The following RAB7A variants were observed in gnomAD, a reference collection of about 807,000 sequenced individuals.
The protein encoded by RAB7A is RAB7A, member RAS oncogene family.
In RAB7A, 2 loss-of-function variants were observed where a neutral mutation model predicts 24.5. The observed-to-expected ratio is 0.08, with a 90% CI of 0.03 to 0.26. The LOEUF is 0.26. Among genes scored for constraint, RAB7A ranks in the 10% least tolerant of loss-of-function variants. RAB7A has a pLI of 1.00. For synonymous variants in RAB7A, 100 were observed against 95.9 expected (o/e 1.04, Z -0.25); for missense variants, 118 against 255.7 (o/e 0.46, Z 3.67).
intron 1 of RAB7A, among the ~76,000 whole-genome samples, chr3:128,768,175 TTAAG>T (rs1435847722): frequency 2.0e-5 from 3 of 152,228 alleles, no homozygotes; most frequent in Non-Finnish European, 4.4e-5. Flanking sequence ...TATATATACT[TTAAG>T]TATACTGTGT....
intron 1 of RAB7A, chr3:128,764,433 C>G (rs963297206): frequency 2.7e-6 from 2 of 744,558 alleles, no homozygotes; most frequent in African/African-American, 3.4e-5. Context: ...CCAGGGAATT[C>G]GCCCCATGGC....
rs571090435 is a variant in RAB7A, at chr3:128,768,272, G to A, written c.-8-27088G>A. On this transcript the variant is annotated intron_variant, in intron 1 of 5. Transcript: ENST00000265062. ...ATGTATCTATAGTTCATTCCTTTTT[G>A]TAGCTCAGTGGTATTTCATTGTATA... is the stretch of plus-strand genomic sequence containing the variant. Among the ~76,000 whole-genome samples the A allele has an allele frequency of 2.6e-5, 4 of 152,046 alleles. No individual in the cohort carries two copies. In the South Asian group the frequency reaches 8.3e-4, roughly 32 times the overall value.
At chr3:128,738,422 C>CA (rs1402990664) in intron 1 of RAB7A, among the ~76,000 whole-genome samples, 1 of 152,210 alleles carries the variant, frequency 6.6e-6, no homozygotes, top group Non-Finnish European at 1.5e-5. Flanking sequence ...GATAAAGACA[C>CA]ATATTCCTCT....
chr3:128,794,634 G>A (rs1933528353), intron 1 of RAB7A, among the ~76,000 whole-genome samples: 1 of 152,174 alleles, frequency 6.6e-6, no homozygotes, highest in African/African-American at 2.4e-5. Flanking sequence ...GTCTTGATGA[G>A]TAGATAGACC....
chr3:128,769,191 G>A (rs977615230), intron 1 of RAB7A, among the ~76,000 whole-genome samples: 1 of 151,632 alleles, frequency 6.6e-6, no homozygotes, highest in Non-Finnish European at 1.5e-5. Context: ...ACCACACCCG[G>A]CCCAGAACAT....
chr3:128,770,153 C>G (rs1364785894), intron 1 of RAB7A, among the ~76,000 whole-genome samples: 1 of 152,060 alleles, frequency 6.6e-6, no homozygotes, highest in Admixed American at 6.5e-5. Flanking sequence ...CAGGCGCCTG[C>G]CACCACACCC....
chr3:128,804,529 A>C (rs1429557495), intron 3 of RAB7A, among the ~76,000 whole-genome samples: 1 of 152,354 alleles, frequency 6.6e-6, no homozygotes, highest in East Asian at 1.9e-4. Context: ...AAAAATTTAA[A>C]AATCACAGTC....
chr3:128,771,946 AGAT>A (rs1932946413), intron 1 of RAB7A, among the ~76,000 whole-genome samples: 2 of 152,234 alleles, frequency 1.3e-5, no homozygotes, highest in Non-Finnish European at 2.9e-5. Flanking sequence ...TTGCTTCTGA[AGAT>A]GATCCAAATA....
At chr3:128,807,821 C>A in intron 5 of RAB7A, 150 bp downstream of exon 5, 3 of 1,208,158 alleles carry the variant, frequency 2.5e-6, no homozygotes, top group Non-Finnish European at 3.6e-6. Context: ...AAGGTTATGA[C>A]ATGTTCTGCT....
chr3:128,810,131 A>G (rs759091136), intron 5 of RAB7A, among the ~76,000 whole-genome samples: 6 of 150,842 alleles, frequency 4.0e-5, no homozygotes, highest in Non-Finnish European at 7.4e-5. Context: ...GTAATTTTTT[A>G]GTAAAGATAG....
chr3:128,803,098 C>T (rs961619198), intron 3 of RAB7A, among the ~76,000 whole-genome samples: 2 of 152,212 alleles, frequency 1.3e-5, no homozygotes, highest in African/African-American at 4.8e-5. Context: ...GCATGAGCCA[C>T]TGCGCTCAGC....
intron 1 of RAB7A, among the ~76,000 whole-genome samples, chr3:128,762,646 G>A (rs893836629): frequency 2.6e-5 from 4 of 152,190 alleles, no homozygotes; most frequent in Non-Finnish European, 4.4e-5. Flanking sequence ...TTGCTTTGGG[G>A]CATTTCTTAT....
chr3:128,808,758 A>G (rs1933857313), intron 5 of RAB7A, among the ~76,000 whole-genome samples: 1 of 152,152 alleles, frequency 6.6e-6, no homozygotes, highest in African/African-American at 2.4e-5. Flanking sequence ...TGCATAGAAC[A>G]CTTGAAGCAC....
intron 1 of RAB7A, among the ~76,000 whole-genome samples, chr3:128,781,785 G>A (rs915569550): frequency 1.2e-4 from 18 of 151,976 alleles, no homozygotes; most frequent in African/African-American, 3.6e-4. Flanking sequence ...AGGCCGAGGC[G>A]CTGAATTACC....
intron 1 of RAB7A, among the ~76,000 whole-genome samples, chr3:128,736,875 A>C (rs564144137): frequency 6.6e-6 from 1 of 152,252 alleles, no homozygotes; most frequent in South Asian, 2.1e-4. Flanking sequence ...CACTAGTATC[A>C]TACTTGGCTT....
At chr3:128,746,124 T>G (rs2070611921) in intron 1 of RAB7A, among the ~76,000 whole-genome samples, 1 of 152,214 alleles carries the variant, frequency 6.6e-6, no homozygotes, top group African/African-American at 2.4e-5. Context: ...TGCTGTGCAG[T>G]AGATTAGAAA....
chr3:128,798,824 A>C, intron 3 of RAB7A: 1 of 157,030 alleles, frequency 6.4e-6, no homozygotes, highest in Non-Finnish European at 1.4e-5. Context: ...CTAAATTTAA[A>C]AAAAAAAAAA....
intron 1 of RAB7A, among the ~76,000 whole-genome samples, chr3:128,744,864 TTTTTTC>T (rs1202184448): frequency 5.9e-5 from 9 of 151,458 alleles, no homozygotes; most frequent in Non-Finnish European, 1.2e-4. Context: ...CACTTTTTCT[TTTTTTC>T]TTTTTCTTTT....
At chr3:128,774,565 G>T (rs924228848) in intron 1 of RAB7A, among the ~76,000 whole-genome samples, 2 of 151,378 alleles carry the variant, frequency 1.3e-5, no homozygotes, top group Non-Finnish European at 2.9e-5. Context: ...GGGTTCAAGT[G>T]ATTCTTTTAT....
Sources: gnomAD v4.1 joint callset for allele counts (sites outside exome capture counted in the v4.1 genomes callset) on GRCh38, gnomAD v4.1.1 for gene constraint, MANE v1.5 for transcripts, NCBI Gene and HGNC (gene_info 2026-07-23, HGNC 2026-07-21) for gene names.